ZBTB7C: variants seen among roughly 807,000 people sequenced by gnomAD.
ZBTB7C encodes the protein zinc finger and BTB domain-containing protein 7C.
ZBTB7C carries 8 observed loss-of-function variants against 25.7 expected under a neutral mutation model. The ratio of observed to expected loss-of-function variants is 0.31; its 90% confidence interval spans 0.18 to 0.56. The LOEUF is 0.56. Among genes scored for constraint, ZBTB7C ranks in the 20% least tolerant of loss-of-function variants. The pLI, the probability that ZBTB7C is intolerant of heterozygous loss-of-function variation, is 0.91. For missense variants in ZBTB7C, 824 were observed against 855.2 expected, an observed-to-expected ratio of 0.96 and a Z score of 0.46; for synonymous variants, 394 against 369.0, an observed-to-expected ratio of 1.07 and a Z score of -0.78.
intron 3 of ZBTB7C, among the ~76,000 whole-genome samples, chr18:48,173,072 C>T (rs1227587947): frequency 6.6e-6 from 1 of 152,210 alleles, no homozygotes; most frequent in Non-Finnish European, 1.5e-5. Flanking sequence ...TTGAACATGC[C>T]ATCTTCCTCT....
In ZBTB7C at chr18:48,255,508, G is replaced by A. The variant is rs2043995088; in HGVS notation, c.-78-69513C>T. ...TTCCACACCACCAAGCTGAAACTAA[G>A]TTGTTTATCTGACCTTCCAAGAAAT... On this transcript the variant is annotated intron_variant, in intron 2 of 4. Coordinates refer to ENST00000590800, the MANE Select transcript of ZBTB7C (RefSeq NM_001318841.2). Among the ~76,000 whole-genome samples, 9 of 152,246 alleles carry A rather than the reference G, an allele frequency of 5.9e-5. No homozygotes were observed. The South Asian group carries it at 1.7e-3, about 28-fold the overall frequency.
rs1289177856 is a variant in ZBTB7C, at chr18:48,293,916, C to A, written c.-79+44258G>T. On this transcript the variant is annotated intron_variant, in intron 2 of 4. Coordinates refer to ENST00000590800, the MANE Select transcript of ZBTB7C (RefSeq NM_001318841.2). ...TACCAGCATGAGCCACGATGCCCAGCCTTTCAACCTTTTGTTTAAACTTCA... is the reference window on the plus strand; with the variant it reads ...TACCAGCATGAGCCACGATGCCCAGACTTTCAACCTTTTGTTTAAACTTCA... Among the ~76,000 whole-genome samples, 8 of 152,376 alleles carry A rather than the reference C, an allele frequency of 5.3e-5. No homozygotes were observed. The East Asian group carries it at 1.5e-3, about 29-fold the overall frequency.
intron 3 of ZBTB7C, among the ~76,000 whole-genome samples, chr18:48,095,387 G>A (rs1475445665): frequency 6.6e-6 from 1 of 152,186 alleles, no homozygotes; most frequent in Non-Finnish European, 1.5e-5. Context: ...CTGGAGCAGG[G>A]TTGGCCAGCA....
At chr18:48,100,282 C>T (rs748386461) in intron 3 of ZBTB7C, among the ~76,000 whole-genome samples, 1 of 152,196 alleles carries the variant, frequency 6.6e-6, no homozygotes, top group Non-Finnish European at 1.5e-5. Flanking sequence ...CTTGGAGTAA[C>T]GATTCACAGA....
chr18:48,359,274 TTC>T (rs892173426), intron 1 of ZBTB7C, among the ~76,000 whole-genome samples: 2 of 152,030 alleles, frequency 1.3e-5, no homozygotes, highest in South Asian at 4.2e-4. Flanking sequence ...GAGAAATTTT[TTC>T]TCTGTGTCAT....
chr18:48,056,327 C>G (rs897790350), intron 3 of ZBTB7C, among the ~76,000 whole-genome samples: 1 of 152,142 alleles, frequency 6.6e-6, no homozygotes, highest in African/African-American at 2.4e-5. Context: ...AAGTGCAATA[C>G]AATCCCAATA....
intron 3 of ZBTB7C, among the ~76,000 whole-genome samples, chr18:48,169,292 T>C (rs1270652470): frequency 6.6e-6 from 1 of 152,178 alleles, no homozygotes; most frequent in Admixed American, 6.5e-5. Context: ...CCATTGTCCT[T>C]ACCACTCGAT....
intron 1 of ZBTB7C, among the ~76,000 whole-genome samples, chr18:48,356,342 C>G (rs115785018): frequency 6.6e-6 from 1 of 152,182 alleles, no homozygotes; most frequent in Admixed American, 6.5e-5. Flanking sequence ...GATGCTTCAG[C>G]GCTCCTCCAA....
chr18:48,364,908 T>C (rs1348717131), intron 1 of ZBTB7C, among the ~76,000 whole-genome samples: 2 of 152,226 alleles, frequency 1.3e-5, no homozygotes, highest in African/African-American at 4.8e-5. Flanking sequence ...CAGAATTACC[T>C]GGCCAGCTTA....
intron 3 of ZBTB7C, among the ~76,000 whole-genome samples, chr18:48,158,159 G>T (rs2040894301): frequency 6.6e-6 from 1 of 152,196 alleles, no homozygotes; most frequent in Admixed American, 6.5e-5. Context: ...ACCACCAGGG[G>T]CAAACACTGG....
chr18:48,328,590 C>A (rs2046277530), intron 2 of ZBTB7C, among the ~76,000 whole-genome samples: 1 of 152,176 alleles, frequency 6.6e-6, no homozygotes, highest in Non-Finnish European at 1.5e-5. Flanking sequence ...CCCTCCCAAC[C>A]CTGCCCCATC....
intron 1 of ZBTB7C, among the ~76,000 whole-genome samples, chr18:48,366,758 G>A (rs755142360): frequency 6.6e-6 from 1 of 152,192 alleles, no homozygotes; most frequent in Non-Finnish European, 1.5e-5. Context: ...TCATATATCA[G>A]GTTGGCAAAT....
At chr18:48,155,159 G>C (rs1383430674) in intron 3 of ZBTB7C, among the ~76,000 whole-genome samples, 1 of 152,146 alleles carries the variant, frequency 6.6e-6, no homozygotes, top group African/African-American at 2.4e-5. Flanking sequence ...GGGCCCCAAG[G>C]AAGTGTGCTG....
At chr18:48,346,417 C>T (rs995593413) in intron 1 of ZBTB7C, 1 of 152,312 alleles carries the variant, frequency 6.6e-6, no homozygotes, top group Non-Finnish European at 1.5e-5. Context: ...CAAGCCGCTT[C>T]CTGTACCTCT....
At chr18:48,307,560 C>T (rs1047729095) in intron 2 of ZBTB7C, among the ~76,000 whole-genome samples, 1 of 152,192 alleles carries the variant, frequency 6.6e-6, no homozygotes, top group African/African-American at 2.4e-5. Context: ...TGTTTAAAAC[C>T]CACCTCTGGC....
At chr18:48,065,352 CACAA>C (rs566887147) in intron 3 of ZBTB7C, among the ~76,000 whole-genome samples, 1 of 152,128 alleles carries the variant, frequency 6.6e-6, no homozygotes, top group South Asian at 2.1e-4. Flanking sequence ...CACACACACA[CACAA>C]ACACACACGC....
At chr18:48,278,009 T>C (rs557253188) in intron 2 of ZBTB7C, among the ~76,000 whole-genome samples, 88 of 152,150 alleles carry the variant, frequency 5.8e-4, no homozygotes, top group African/African-American at 2.0e-3. Flanking sequence ...GGTGACGGAT[T>C]ATTTCCTGTG....
intron 2 of ZBTB7C, among the ~76,000 whole-genome samples, chr18:48,264,586 T>C (rs1187567937): frequency 2.0e-5 from 3 of 152,070 alleles, no homozygotes; most frequent in Admixed American, 6.5e-5. Flanking sequence ...AAGCAGTGCT[T>C]TGGAAACCTG....
intron 2 of ZBTB7C, among the ~76,000 whole-genome samples, chr18:48,270,291 C>T (rs1213881060): frequency 4.5e-5 from 6 of 134,380 alleles, no homozygotes; most frequent in African/African-American, 1.7e-4. Context: ...TGGAGTCTCG[C>T]TCTGTTGCCA....
Sources: allele counts gnomAD v4.1 joint callset (sites outside exome capture counted in the v4.1 genomes callset), GRCh38; gene constraint gnomAD v4.1.1; transcripts MANE v1.5; gene names NCBI Gene and HGNC (gene_info 2026-07-23, HGNC 2026-07-21).